The following IL1RAPL1 variants were observed in gnomAD, a reference collection of about 807,000 sequenced individuals.
IL1RAPL1 encodes interleukin 1 receptor accessory protein like 1.
In IL1RAPL1, 3 loss-of-function variants were observed where a neutral mutation model predicts 48.4. The observed-to-expected ratio is 0.06, with a 90% CI of 0.03 to 0.16. IL1RAPL1 has a LOEUF of 0.16. IL1RAPL1 is among the 10% of genes least tolerant of loss of function. IL1RAPL1 has a pLI of 1.00. For synonymous variants in IL1RAPL1, 185 were observed against 187.7 expected (o/e 0.99, Z 0.12); for missense variants, 349 against 530.6 (o/e 0.66, Z 3.36).
intron 2 of IL1RAPL1, among the ~76,000 whole-genome samples, chrX:28,898,600 T>C (rs923427313): frequency 9.0e-6 from 1 of 110,694 alleles, no homozygotes; most frequent in Non-Finnish European, 1.9e-5. Flanking sequence ...TTTCATTATT[T>C]TACATGTGGA....
intron 2 of IL1RAPL1, among the ~76,000 whole-genome samples, chrX:29,228,479 C>T (rs994309622): frequency 9.4e-6 from 1 of 106,240 alleles, no homozygotes; most frequent in Non-Finnish European, 1.9e-5. Flanking sequence ...CTCAGCCTCC[C>T]GAGTAGCTGG....
At chrX:29,306,176 CAT>C (rs1295907729) in intron 3 of IL1RAPL1, among the ~76,000 whole-genome samples, 1 of 112,155 alleles carries the variant, frequency 8.9e-6, no homozygotes, top group African/African-American at 3.2e-5. Flanking sequence ...TTAATTCTCA[CAT>C]GTTTAATTCC....
intron 2 of IL1RAPL1, among the ~76,000 whole-genome samples, chrX:29,193,707 T>C (rs765460593): frequency 9.0e-6 from 1 of 111,448 alleles, no homozygotes; most frequent in East Asian, 2.8e-4. Context: ...TTGGTTGTCA[T>C]AGTGGTTCCA....
At chrX:29,643,996 T>C (rs1925245061) in intron 5 of IL1RAPL1, among the ~76,000 whole-genome samples, 1 of 112,304 alleles carries the variant, frequency 8.9e-6, no homozygotes, top group African/African-American at 3.2e-5. Flanking sequence ...TTAATACCTA[T>C]CTCATAAATG....
intron 1 of IL1RAPL1, among the ~76,000 whole-genome samples, chrX:28,679,577 G>T (rs1935034713): frequency 9.0e-6 from 1 of 111,156 alleles, no homozygotes. Flanking sequence ...TCTTTTAATA[G>T]TTATAAGGTT....
At chrX:29,265,595 A>G (rs1208221365) in intron 2 of IL1RAPL1, among the ~76,000 whole-genome samples, 1 of 100,213 alleles carries the variant, frequency 1.0e-5, no homozygotes, top group Non-Finnish European at 2.0e-5. Context: ...AGCATTAGGT[A>G]TATCTCCTAA....
chrX:29,906,364 A>AC (rs1932620240), intron 6 of IL1RAPL1, among the ~76,000 whole-genome samples: 1 of 98,969 alleles, frequency 1.0e-5, no homozygotes, highest in South Asian at 5.0e-4. Flanking sequence ...AAAAAAAAAA[A>AC]CATAAAAAAG....
intron 3 of IL1RAPL1, among the ~76,000 whole-genome samples, chrX:29,376,486 G>A (rs1432651127): frequency 3.6e-5 from 4 of 109,657 alleles, no homozygotes; most frequent in Non-Finnish European, 7.6e-5. Flanking sequence ...ATCCTCACTA[G>A]CCACCCAGAT....
chrX:29,360,475 T>C (rs1933361350), intron 3 of IL1RAPL1, among the ~76,000 whole-genome samples: 1 of 112,286 alleles, frequency 8.9e-6, no homozygotes. Flanking sequence ...TGGAGTGGAT[T>C]AGTTAGGAAA....
intron 6 of IL1RAPL1, among the ~76,000 whole-genome samples, chrX:29,910,701 A>T (rs1189482771): frequency 1.8e-5 from 2 of 111,932 alleles, no homozygotes; most frequent in African/African-American, 6.5e-5. Context: ...CTACGATCCA[A>T]TGAGAAGCCT....
At chrX:29,094,042 T>C (rs779288426) in intron 2 of IL1RAPL1, among the ~76,000 whole-genome samples, 1 of 112,063 alleles carries the variant, frequency 8.9e-6, no homozygotes, top group South Asian at 3.7e-4. Flanking sequence ...ATATTTCTTT[T>C]TTCTTCCTTA....
intron 1 of IL1RAPL1, among the ~76,000 whole-genome samples, chrX:28,722,366 G>A (rs1935596298): frequency 9.0e-6 from 1 of 111,402 alleles, no homozygotes; most frequent in South Asian, 3.8e-4. Context: ...AATTGTGAAT[G>A]GGAGTTCACT....
chrX:29,879,381 G>GTA (rs1931978227), intron 6 of IL1RAPL1, among the ~76,000 whole-genome samples: 1 of 101,217 alleles, frequency 9.9e-6, no homozygotes, highest in East Asian at 3.0e-4. Context: ...GTGTGTGTGT[G>GTA]TGTGTGTGTG....
intron 1 of IL1RAPL1, among the ~76,000 whole-genome samples, chrX:28,780,525 G>T (rs1936411916): frequency 1.8e-5 from 2 of 110,547 alleles, no homozygotes; most frequent in African/African-American, 6.6e-5. Context: ...ATGACTCTTG[G>T]ATTTAGAAAC....
intron 2 of IL1RAPL1, among the ~76,000 whole-genome samples, chrX:29,071,272 A>G (rs1927559658): frequency 9.0e-6 from 1 of 111,412 alleles, no homozygotes; most frequent in Non-Finnish European, 1.9e-5. Flanking sequence ...TCAGGCAAAG[A>G]GTTGTTTGTT....
At chrX:29,767,510 A>C (rs982991882) in intron 6 of IL1RAPL1, among the ~76,000 whole-genome samples, 4 of 112,053 alleles carry the variant, frequency 3.6e-5, no homozygotes, top group African/African-American at 1.3e-4. Context: ...AATACAGCTG[A>C]ATAAAGTTTA....
chrX:29,528,412 G>C (rs1350966068), intron 5 of IL1RAPL1, among the ~76,000 whole-genome samples: 1 of 112,712 alleles, frequency 8.9e-6, no homozygotes, highest in Non-Finnish European at 1.9e-5. Flanking sequence ...TGCTGCCTTT[G>C]TGTGTAAAAG....
intron 2 of IL1RAPL1, among the ~76,000 whole-genome samples, chrX:29,168,427 A>G (rs1042862407): frequency 2.9e-5 from 3 of 103,901 alleles, no homozygotes; most frequent in Admixed American, 1.1e-4. Flanking sequence ...TCCACATAGG[A>G]GTGAGATCAT....
At chrX:29,675,594 T>G (rs1210970038) in intron 6 of IL1RAPL1, among the ~76,000 whole-genome samples, 1 of 111,924 alleles carries the variant, frequency 8.9e-6, no homozygotes, top group African/African-American at 3.3e-5. Flanking sequence ...TTCTTTCTTT[T>G]TTTTCCTTTT....
Sources: allele counts gnomAD v4.1 joint callset (sites outside exome capture counted in the v4.1 genomes callset), GRCh38; gene constraint gnomAD v4.1.1; transcripts MANE v1.5; gene names NCBI Gene and HGNC (gene_info 2026-07-23, HGNC 2026-07-21).